Variants in PIP5K1A observed in about 807,000 individuals in gnomAD.
PIP5K1A encodes phosphatidylinositol 4-phosphate 5-kinase type-1 alpha.
Under a neutral mutation model 72.9 loss-of-function variants are expected in PIP5K1A, and 46 were observed. The observed-to-expected ratio is 0.63, with a 90% CI of 0.50 to 0.81. The LOEUF (loss-of-function observed/expected upper bound fraction) is 0.81. PIP5K1A is among the 30% of genes least tolerant of loss of function. The pLI is 0.00. For synonymous variants in PIP5K1A, 228 were observed against 255.1 expected, an observed-to-expected ratio of 0.89 and a Z score of 1.01; for missense variants, 458 against 706.1, an observed-to-expected ratio of 0.65 and a Z score of 3.98.
intron 7 of PIP5K1A, 105 bp downstream of exon 7, chr1:151,232,808 A>C: frequency 1.9e-6 from 2 of 1,044,996 alleles, no homozygotes; most frequent in Admixed American, 2.3e-5. Flanking sequence ...CTATCTTAAG[A>C]GTGTAGTTCA....
Position 151,227,285 on chromosome 1 carries a change from T to G in PIP5K1A, c.157-35T>G, listed in dbSNP as rs757606634. 21 of 1,322,846 alleles carry G rather than the reference T, an allele frequency of 1.6e-5. No individual in the cohort carries two copies. In the African/African-American group the frequency reaches 2.6e-4, roughly 16 times the overall value. The allele number at this position is 1,322,846 out of a possible 1,614,324, so 81.9% of individuals were successfully genotyped here. On this transcript the variant is annotated intron_variant, in intron 3 of 15. Coordinates refer to ENST00000368888, the MANE Select transcript of PIP5K1A (RefSeq NM_001135638.2). ...TGTGGTAGCTATTTGGTGTCTTACATGGGAATTGTATTATAATCTTGACTC... is the reference window on the plus strand; with the variant it reads ...TGTGGTAGCTATTTGGTGTCTTACAGGGGAATTGTATTATAATCTTGACTC...
At chr1:151,224,300 A>G (rs1688804565) in intron 2 of PIP5K1A, 21 bp downstream of exon 2, 3 of 1,611,222 alleles carry the variant, frequency 1.9e-6, no homozygotes, top group Non-Finnish European at 1.7e-6. Flanking sequence ...TACTGATACA[A>G]TGGTTACTAA....
intron 8 of PIP5K1A, among the ~76,000 whole-genome samples, chr1:151,234,858 C>T (rs6686402): frequency 0.63 from 95,549 of 152,014 alleles, 30,557 homozygotes; most frequent in Non-Finnish European, 0.7. Context: ...ATACTGGCAT[C>T]TACAGAATTA....
At position 151,242,156 on chromosome 1, in the gene PIP5K1A, G is replaced by T. The variant is rs756814723; in HGVS notation, c.1397G>T (p.Gly466Val). The T allele has an allele frequency of 1.9e-6, 3 of 1,613,956 alleles. No individual in the cohort carries two copies. The change falls in exon 13 of 16, where the codon GGC becomes GTC. Residue 466 changes from glycine (G) to valine (V), a missense_variant. Physicochemically the swap from Gly to Val is moderately radical, Grantham distance 109. This residue lies in a region of PIP5K1A where 157 missense variants were observed against 175.5 expected (regional missense o/e 0.89). Transcript: ENST00000368888. ...TCTCCTTCCAAAAAGTTTCGGTCTG[G>T]CTCATCTTTCTCTCGGCGAGCAGGC... ...KPSPSKKFRSGSSFSRRAGSS... is the reference protein window; with the variant it reads ...KPSPSKKFRSVSSFSRRAGSS...
Position 151,236,780 on chromosome 1 carries a change from C to T in PIP5K1A, c.1145+17C>T. On this transcript the variant is annotated intron_variant, in intron 9 of 15. Transcript: ENST00000368888. The stretch of plus-strand genomic sequence containing the variant: ...TGATGACCAGTAAGTGGGCTCAGGG[C>T]CACTAGGGGGGAGAACATAGGCCCA... 1 of 1,551,136 alleles carries T rather than the reference C, an allele frequency of 6.4e-7. No homozygotes were observed. Among genetic ancestry groups the T allele is most frequent in the Non-Finnish European group, 8.9e-7 (1 of 1,124,640 alleles).
intron 9 of PIP5K1A, 65 bp downstream of exon 9, chr1:151,236,828 T>TTC: frequency 5.6e-6 from 6 of 1,065,550 alleles, no homozygotes; most frequent in Middle Eastern, 3.0e-4. Flanking sequence ...TTTCTTTTTT[T>TTC]TTTTTTTTTT....
intron 14 of PIP5K1A, among the ~76,000 whole-genome samples, chr1:151,243,791 G>C (rs1321218309): frequency 6.6e-6 from 1 of 152,172 alleles, no homozygotes; most frequent in Non-Finnish European, 1.5e-5. Flanking sequence ...TACTGATACA[G>C]AAGATTTTGT....
At chr1:151,234,677 TC>T (rs1690603212) in intron 8 of PIP5K1A, among the ~76,000 whole-genome samples, 181 bp downstream of exon 8, 1 of 152,222 alleles carries the variant, frequency 6.6e-6, no homozygotes, top group South Asian at 2.1e-4. Flanking sequence ...TCCCCGTTTA[TC>T]CTCCCACAAT....
intron 4 of PIP5K1A, among the ~76,000 whole-genome samples, chr1:151,229,091 C>G (rs1390189008): frequency 1.5e-5 from 2 of 131,610 alleles, no homozygotes; most frequent in Admixed American, 9.3e-5. Context: ...TAGCTTGAAC[C>G]TGGGAGGCGA....
At chr1:151,221,341 C>G (rs1688370400) in intron 1 of PIP5K1A, among the ~76,000 whole-genome samples, 1 of 152,164 alleles carries the variant, frequency 6.6e-6, no homozygotes, top group South Asian at 2.1e-4. Flanking sequence ...TGGCATTAAA[C>G]TAAGGCTGAG....
chr1:151,233,941 AGAAATATATCC>A (rs1690490127), intron 7 of PIP5K1A, among the ~76,000 whole-genome samples: 2 of 152,162 alleles, frequency 1.3e-5, no homozygotes, highest in African/African-American at 4.8e-5. Context: ...ATCTCTCTGA[AGAAATATATCC>A]ATCTTATATT....
upstream of PIP5K1A, among the ~76,000 whole-genome samples, chr1:151,195,883 G>GTTTTTTT (rs1558218879): frequency 2.4e-4 from 12 of 50,324 alleles, no homozygotes; most frequent in South Asian, 6.4e-4. Flanking sequence ...AACACCAGCC[G>GTTTTTTT]ATTTTTTTTT....
At chr1:151,232,222 A>G in intron 5 of PIP5K1A, 26 bp from the exon 6 acceptor site, 1 of 1,487,574 alleles carries the variant, frequency 6.7e-7, no homozygotes, top group Non-Finnish European at 9.4e-7. Flanking sequence ...CTGGCAAGTT[A>G]TGGCTACCTC....
chr1:151,236,816 CTTTTCTTTTTTT>C (rs1690935547), intron 9 of PIP5K1A, 53 bp downstream of exon 9: 5 of 500,228 alleles, frequency 1.0e-5, no homozygotes, highest in Non-Finnish European at 1.5e-5. Context: ...CAGCACTTTT[CTTTTCTTTTTTT>C]TTTTTTTTTT....
At chr1:151,211,323 C>CA (rs1269015101) in intron 1 of PIP5K1A, among the ~76,000 whole-genome samples, 1 of 151,742 alleles carries the variant, frequency 6.6e-6, no homozygotes, top group Non-Finnish European at 1.5e-5. Flanking sequence ...CCTGTCTCTA[C>CA]AAAAAATATA....
rs587774996 is a variant in PIP5K1A, at chr1:151,216,250, G to A, written c.86-7995G>A. ...TGTAGTCCCAGCTACTCGGGAGGCT[G>A]AGACAGGAGAATGGCGTGAACCCGG... On this transcript the variant is annotated intron_variant, in intron 1 of 15. Coordinates refer to ENST00000368888, the MANE Select transcript of PIP5K1A (RefSeq NM_001135638.2). 8.0e-4 allele frequency among the ~76,000 whole-genome samples: 121 copies of A among 151,792 alleles called. 2 individuals carry two copies. The highest frequency in any genetic ancestry group is 5.9e-5 in the Non-Finnish European group (4 of 67,996).
chr1:151,212,068 C>T (rs1456874801), intron 1 of PIP5K1A, among the ~76,000 whole-genome samples: 5 of 151,154 alleles, frequency 3.3e-5, no homozygotes, highest in Non-Finnish European at 5.9e-5. Context: ...GCCAAGATCA[C>T]GACGCTGCAC....
chr1:151,227,794 G>A (rs1199665265), intron 4 of PIP5K1A, among the ~76,000 whole-genome samples: 3 of 152,108 alleles, frequency 2.0e-5, no homozygotes, highest in Admixed American at 6.6e-5. Context: ...GTTGAGGCAC[G>A]AGAATCGCTT....
intron 1 of PIP5K1A, chr1:151,199,330 T>G: frequency 7.6e-6 from 5 of 655,342 alleles, no homozygotes; most frequent in Non-Finnish European, 9.9e-6. Flanking sequence ...GGGGGTAGGG[T>G]GGCCCGGCGC....
Sources: gnomAD v4.1 joint callset for allele counts (sites outside exome capture counted in the v4.1 genomes callset) on GRCh38, gnomAD v4.1.1 for gene constraint, gnomAD v4.1.1 regional missense constraint, MANE v1.5 for transcripts, NCBI Gene and HGNC (gene_info 2026-07-23, HGNC 2026-07-21) for gene names.